Variants in RABGAP1 observed in about 807,000 individuals in gnomAD.
RABGAP1 encodes RAB GTPase activating protein 1.
A neutral mutation model predicts 137.6 loss-of-function variants in RABGAP1; 23 were observed. The ratio of observed to expected loss-of-function variants is 0.17; its 90% CI spans 0.12 to 0.24. RABGAP1 has a LOEUF of 0.24. Ranked by LOEUF, RABGAP1 falls within the 10% of genes least tolerant of loss-of-function variation. RABGAP1 has a pLI of 1.00. For synonymous variants in RABGAP1, 451 were observed against 450.7 expected (o/e 1.00, Z -0.01); for missense variants, 906 against 1,275.8 (o/e 0.71, Z 4.42).
At chr9:123,100,311 CTA>C (rs770450456) in intron 24 of RABGAP1, among the ~76,000 whole-genome samples, 3 of 151,904 alleles carry the variant, frequency 2.0e-5, no homozygotes, top group Non-Finnish European at 4.4e-5. Context: ...GTGCTCATGG[CTA>C]TGTTTGCGCA....
At chr9:123,072,034 T>A (rs977926391) in intron 15 of RABGAP1, among the ~76,000 whole-genome samples, 3 of 150,856 alleles carry the variant, frequency 2.0e-5, no homozygotes, top group Non-Finnish European at 4.4e-5. Flanking sequence ...TTGTGTAGAT[T>A]GCAATACAAG....
chr9:122,972,897 A>T (rs1345935639), intron 2 of RABGAP1, among the ~76,000 whole-genome samples: 1 of 151,682 alleles, frequency 6.6e-6, no homozygotes, highest in Non-Finnish European at 1.5e-5. Flanking sequence ...GCACTTGGGG[A>T]GGCCAAAGTG....
intron 19 of RABGAP1, among the ~76,000 whole-genome samples, chr9:123,089,304 T>C (rs1186501204): frequency 6.6e-6 from 1 of 152,176 alleles, no homozygotes; most frequent in Non-Finnish European, 1.5e-5. Flanking sequence ...TGTGTGACTT[T>C]GGTCAAGTTA....
At chr9:123,086,791 CCAGCAAAGTCTGTGAAGA>C (rs1417958091) in intron 19 of RABGAP1, among the ~76,000 whole-genome samples, 1 of 152,106 alleles carries the variant, frequency 6.6e-6, no homozygotes, top group East Asian at 1.9e-4. Flanking sequence ...GGACTCTGGA[CCAGCAAAGTCTGTGAAGA>C]CAGCAGAGCT....
intron 13 of RABGAP1, among the ~76,000 whole-genome samples, chr9:123,048,726 A>G (rs2033329523): frequency 6.6e-6 from 1 of 152,148 alleles, no homozygotes; most frequent in South Asian, 2.1e-4. Context: ...TTTGACTATC[A>G]CCACCTCTTA....
intron 5 of RABGAP1, chr9:122,989,837 T>A (rs746228256): frequency 4.8e-5 from 25 of 525,760 alleles, no homozygotes; most frequent in Admixed American, 7.2e-5. Flanking sequence ...ATTTTTAAAT[T>A]GGATTTATAG....
intron 2 of RABGAP1, among the ~76,000 whole-genome samples, chr9:122,972,558 C>G (rs1229906998): frequency 6.6e-6 from 1 of 152,080 alleles, no homozygotes; most frequent in African/African-American, 2.4e-5. Flanking sequence ...CGTGGATTCT[C>G]GTGTTCAAAG....
At chr9:122,972,558 C>T (rs1229906998) in intron 2 of RABGAP1, among the ~76,000 whole-genome samples, 4 of 152,080 alleles carry the variant, frequency 2.6e-5, no homozygotes, top group Admixed American at 2.0e-4. Context: ...CGTGGATTCT[C>T]GTGTTCAAAG....
intron 24 of RABGAP1, among the ~76,000 whole-genome samples, chr9:123,100,948 C>T (rs373569795): frequency 4.4e-4 from 67 of 152,282 alleles, no homozygotes; most frequent in South Asian, 1.2e-3. Context: ...ACATTTACAT[C>T]TCTGAAAGTC....
chr9:123,076,319 C>A, intron 18 of RABGAP1, 33 bp downstream of exon 18: 1 of 1,585,178 alleles, frequency 6.3e-7, no homozygotes, highest in South Asian at 1.1e-5. Flanking sequence ...AGTTATCTGT[C>A]ATTCCCTGCT....
intron 11 of RABGAP1, among the ~76,000 whole-genome samples, chr9:123,012,541 C>T (rs1019079019): frequency 5.9e-5 from 9 of 152,254 alleles, no homozygotes; most frequent in Middle Eastern, 3.4e-3. Context: ...AGCAGACATA[C>T]CTTTTTTAAA....
At chr9:123,028,400 T>TTATA in intron 13 of RABGAP1, among the ~76,000 whole-genome samples, 1 of 152,316 alleles carries the variant, frequency 6.6e-6, no homozygotes, top group South Asian at 2.1e-4. Context: ...ATCATAAAGT[T>TTATA]GCATGGGAGT....
intron 13 of RABGAP1, among the ~76,000 whole-genome samples, chr9:123,026,894 A>G (rs1269154134): frequency 2.0e-5 from 3 of 152,180 alleles, no homozygotes; most frequent in African/African-American, 7.2e-5. Context: ...TCTTCAGTAG[A>G]TCATTTTAAT....
intron 2 of RABGAP1, among the ~76,000 whole-genome samples, chr9:122,964,177 C>T (rs180774662): frequency 1.4e-4 from 22 of 152,260 alleles, no homozygotes; most frequent in African/African-American, 5.1e-4. Flanking sequence ...AAACTCTTCT[C>T]TGGAATAGAA....
At chr9:122,963,387 A>G (rs1204584352) in intron 2 of RABGAP1, among the ~76,000 whole-genome samples, 1 of 152,236 alleles carries the variant, frequency 6.6e-6, no homozygotes, top group African/African-American at 2.4e-5. Context: ...ACTCACCCCA[A>G]CAATAGCAGA....
At chr9:122,995,461 C>T (rs928010957) in intron 6 of RABGAP1, among the ~76,000 whole-genome samples, 2 of 151,706 alleles carry the variant, frequency 1.3e-5, no homozygotes, top group African/African-American at 4.8e-5. Context: ...ATGAAACATG[C>T]TTTACAGCAA....
intron 13 of RABGAP1, among the ~76,000 whole-genome samples, chr9:123,046,614 T>G (rs182316469): frequency 6.6e-6 from 1 of 152,232 alleles, no homozygotes; most frequent in Non-Finnish European, 1.5e-5. Context: ...AATGAGCTAA[T>G]GCATGTAAAG....
At chr9:123,013,667 T>C (rs1312979802) in intron 11 of RABGAP1, among the ~76,000 whole-genome samples, 6 of 152,154 alleles carry the variant, frequency 3.9e-5, no homozygotes, top group African/African-American at 1.4e-4. Context: ...TTCATCCATA[T>C]ATAGAAGATC....
intron 2 of RABGAP1, among the ~76,000 whole-genome samples, chr9:122,969,713 G>T (rs1216486492): frequency 1.4e-5 from 2 of 144,626 alleles, no homozygotes; most frequent in African/African-American, 2.5e-5. Context: ...CCATTTCAAT[G>T]TGGTATAATA....
Sources: allele counts gnomAD v4.1 joint callset (sites outside exome capture counted in the v4.1 genomes callset), GRCh38; gene constraint gnomAD v4.1.1; transcripts MANE v1.5; gene names NCBI Gene and HGNC (gene_info 2026-07-23, HGNC 2026-07-21).